The following KHDRBS2 variants were observed in gnomAD, a reference collection of about 807,000 sequenced individuals.
KHDRBS2 encodes KH domain-containing, RNA-binding, signal transduction-associated protein 2.
In KHDRBS2, 26 loss-of-function variants were observed where a neutral mutation model predicts 44.3. That is an observed-to-expected ratio of 0.59 (90% confidence interval 0.43 to 0.81). The LOEUF (loss-of-function observed/expected upper bound fraction) is 0.81. Ranked by LOEUF, KHDRBS2 falls within the 40% of genes least tolerant of loss-of-function variation. The probability of loss-of-function intolerance (pLI) is 0.00; values close to 1 mark genes in which losing one functional copy is unlikely to be tolerated. For missense variants in KHDRBS2, 476 were observed against 433.1 expected, an observed-to-expected ratio of 1.10 and a Z score of -0.88; for synonymous variants, 194 against 151.1, an observed-to-expected ratio of 1.28 and a Z score of -2.08.
At chr6:62,253,600 C>T (rs1437897067) in intron 1 of KHDRBS2, among the ~76,000 whole-genome samples, 1 of 151,710 alleles carries the variant, frequency 6.6e-6, no homozygotes, top group Non-Finnish European at 1.5e-5. Context: ...AAAAAAAAAT[C>T]TATGAATGAA....
chr6:62,195,262 C>T (rs150246894), intron 1 of KHDRBS2, among the ~76,000 whole-genome samples: 7 of 152,074 alleles, frequency 4.6e-5, no homozygotes, highest in East Asian at 1.9e-4. Flanking sequence ...TTTTTGTATG[C>T]GTTTGCATCC....
At position 61,955,809 on chromosome 6, in the gene KHDRBS2, G is replaced by T. The variant is rs375088420; in HGVS notation, c.483+22257C>A. ...CTAAGTATTTTTAAGTGCCAATCAT[G>T]TATTTCAATGCTCAGAAAGATCCTA... is the stretch of plus-strand genomic sequence containing the variant. On this transcript the variant is annotated intron_variant, in intron 4 of 8. Coordinates refer to ENST00000281156, the MANE Select transcript of KHDRBS2 (RefSeq NM_152688.4). Among the ~76,000 whole-genome samples, 4 of 152,060 alleles carry T rather than the reference G, an allele frequency of 2.6e-5. No individual in the cohort carries two copies. The East Asian group carries it at 7.8e-4, about 30-fold the overall frequency.
intron 3 of KHDRBS2, among the ~76,000 whole-genome samples, chr6:62,004,373 A>G (rs1055215569): frequency 2.6e-5 from 4 of 152,088 alleles, no homozygotes; most frequent in African/African-American, 9.7e-5. Context: ...TACTATAAAC[A>G]CCTCTTCGCA....
At chr6:61,643,489 G>A in the KHDRBS2 span, among the ~76,000 whole-genome samples, 1 of 152,048 alleles carries the variant, frequency 6.6e-6, no homozygotes, top group Admixed American at 6.6e-5. Flanking sequence ...AAGAAACAAA[G>A]GGCATCCAAA....
intron 6 of KHDRBS2, among the ~76,000 whole-genome samples, chr6:61,749,309 C>T (rs558526237): frequency 4.6e-5 from 7 of 152,056 alleles, no homozygotes; most frequent in African/African-American, 1.7e-4. Flanking sequence ...CACCGTGCCC[C>T]GCCTTTCAAT....
At chr6:61,546,372 C>A in the KHDRBS2 span, among the ~76,000 whole-genome samples, 1 of 152,006 alleles carries the variant, frequency 6.6e-6, no homozygotes, top group Non-Finnish European at 1.5e-5. Flanking sequence ...TGTGTTCATG[C>A]ATTAGGCTCA....
chr6:62,187,168 A>G (rs1231679255), intron 1 of KHDRBS2, among the ~76,000 whole-genome samples: 2 of 152,168 alleles, frequency 1.3e-5, no homozygotes, highest in Non-Finnish European at 2.9e-5. Flanking sequence ...TGTATGCATT[A>G]TATCATTCCA....
chr6:61,567,600 C>T, the KHDRBS2 span, among the ~76,000 whole-genome samples: 28 of 152,240 alleles, frequency 1.8e-4, no homozygotes, highest in Admixed American at 1.6e-3. Flanking sequence ...GTGTTCGTGC[C>T]ACTGCACACT....
chr6:62,039,504 AT>A (rs1299979189), intron 3 of KHDRBS2, among the ~76,000 whole-genome samples: 1 of 151,926 alleles, frequency 6.6e-6, no homozygotes. Flanking sequence ...TTGCCTTTGG[AT>A]TCTCTCATTT....
At chr6:61,646,580 C>T in the KHDRBS2 span, among the ~76,000 whole-genome samples, 5 of 152,050 alleles carry the variant, frequency 3.3e-5, no homozygotes, top group African/African-American at 1.2e-4. Context: ...AAATGATTAT[C>T]CTGGTTTCTT....
At position 61,816,053 on chromosome 6, in the gene KHDRBS2, GT is replaced by G. The variant is rs527696683; in HGVS notation, c.810+78581del. ...ACTCTACCAAATCTAAAAGCACACT[GT>G]TTTGAGATGGAATAGTATCCCTTAG... On this transcript the variant is annotated intron_variant, in intron 6 of 8. Coordinates refer to ENST00000281156, the MANE Select transcript of KHDRBS2 (RefSeq NM_152688.4). 2.1e-3 allele frequency among the ~76,000 whole-genome samples: 323 copies of G among 152,144 alleles called. 1 individual carries two copies. The highest frequency in any genetic ancestry group is 7.5e-3 in the African/African-American group (313 of 41,528).
At chr6:61,565,632 T>A in the KHDRBS2 span, among the ~76,000 whole-genome samples, 1,391 of 152,198 alleles carry the variant, frequency 9.1e-3, 12 homozygotes, top group Non-Finnish European at 0.016. Flanking sequence ...TTACCCCAGT[T>A]AAGATGCCCT....
At chr6:61,777,724 T>C (rs1782309103) in intron 6 of KHDRBS2, among the ~76,000 whole-genome samples, 2 of 152,140 alleles carry the variant, frequency 1.3e-5, no homozygotes, top group South Asian at 4.1e-4. Context: ...GGAAAGAGCA[T>C]AAAAACAGAT....
chr6:62,235,070 C>CT (rs10570985), intron 1 of KHDRBS2, among the ~76,000 whole-genome samples: 28,914 of 106,822 alleles, frequency 0.27, 4,614 homozygotes, highest in African/African-American at 0.39. Flanking sequence ...TCCATTTAGG[C>CT]TTTTTTTTTT....
intron 2 of KHDRBS2, among the ~76,000 whole-genome samples, chr6:62,095,547 T>G (rs1230147248): frequency 1.3e-5 from 2 of 151,780 alleles, no homozygotes; most frequent in African/African-American, 4.8e-5. Flanking sequence ...TCAACTAAGT[T>G]TATGTAAGTA....
rs188567845 is a variant in KHDRBS2, at chr6:61,942,178, T to C, written c.483+35888A>G. 1.6e-3 allele frequency among the ~76,000 whole-genome samples: 243 copies of C among 152,162 alleles called. 1 individual carries two copies. Among genetic ancestry groups the C allele is most frequent in the Non-Finnish European group, 2.3e-3 (159 of 67,990 alleles). On this transcript the variant is annotated intron_variant, in intron 4 of 8. Transcript: ENST00000281156. ...CTTGGTATGTTGCCCAGACATGTCTTGAACTCTTGGCCTCAAGTGATCCTC... is the reference window on the plus strand; with the variant it reads ...CTTGGTATGTTGCCCAGACATGTCTCGAACTCTTGGCCTCAAGTGATCCTC...
At chr6:62,257,208 T>C (rs1837526383) in intron 1 of KHDRBS2, among the ~76,000 whole-genome samples, 1 of 152,184 alleles carries the variant, frequency 6.6e-6, no homozygotes, top group Admixed American at 6.6e-5. Flanking sequence ...GCAGCATTCT[T>C]CTAGACATAT....
intron 6 of KHDRBS2, among the ~76,000 whole-genome samples, chr6:61,894,369 G>T (rs1274114578): frequency 2.6e-5 from 4 of 152,048 alleles, no homozygotes; most frequent in Non-Finnish European, 5.9e-5. Flanking sequence ...TTTCTCATTT[G>T]AAATCTGATC....
rs1345909610 is a variant in KHDRBS2, at chr6:62,213,790, C to T, written c.92-36478G>A. Reference sequence around the variant, plus strand: ...TCCGGAGGCTGAGGCAGGAGGATGGCGTGAACCCAGGAGGCGGAGCTTGCA... The same window carrying T: ...TCCGGAGGCTGAGGCAGGAGGATGGTGTGAACCCAGGAGGCGGAGCTTGCA... On this transcript the variant is annotated intron_variant, in intron 1 of 8. Transcript: ENST00000281156. Among the ~76,000 whole-genome samples the T allele has an allele frequency of 3.7e-5, 5 of 136,176 alleles. No homozygotes were observed. The South Asian group carries it at 9.8e-4, about 27-fold the overall frequency. 89.3% of individuals were successfully genotyped at this position (136,176 alleles called of 152,430 possible).
Sources: allele counts gnomAD v4.1 joint callset (sites outside exome capture counted in the v4.1 genomes callset), GRCh38; gene constraint gnomAD v4.1.1; transcripts MANE v1.5; gene names NCBI Gene and HGNC (gene_info 2026-07-23, HGNC 2026-07-21).